AKAIN1: variants seen among roughly 807,000 people sequenced by gnomAD.
The protein encoded by AKAIN1 is A-kinase anchor inhibitor 1, also known as A-kinase anchor protein inhibitor 1.
Under a neutral mutation model 3.7 loss-of-function variants are expected in AKAIN1, and 3 were observed. That is an observed-to-expected ratio of 0.82 (90% CI 0.37 to 2.12). The LOEUF is 2.12. Ranked by LOEUF, AKAIN1 falls within the 30% of genes most tolerant of loss-of-function variation. AKAIN1 has a pLI of 0.06. For synonymous variants in AKAIN1, 31 were observed against 30.8 expected, an observed-to-expected ratio of 1.01 and a Z score of -0.02; for missense variants, 82 against 82.7, an observed-to-expected ratio of 0.99 and a Z score of 0.03.
rs2071030843 is a variant in AKAIN1, at chr18:5,143,224, T to C, written c.*2338A>G. ...AAATCTAGTAACTTTTTCTTCATACTGAAAGATCTGTAAAAGTTTATAGGT... is the reference window on the plus strand; with the variant it reads ...AAATCTAGTAACTTTTTCTTCATACCGAAAGATCTGTAAAAGTTTATAGGT... On this transcript the variant is annotated 3_prime_UTR_variant, in exon 2 of 2. Coordinates refer to ENST00000434239, the MANE Select transcript of AKAIN1 (RefSeq NM_001145194.2). Among the ~76,000 whole-genome samples the C allele has an allele frequency of 6.6e-6, 1 of 152,250 alleles. No individual in the cohort carries two copies. Among genetic ancestry groups the C allele is most frequent in the African/African-American group, 2.4e-5 (1 of 41,464 alleles).
At chr18:5,179,423 G>GTATATATATA (rs148703559) in intron 1 of AKAIN1, among the ~76,000 whole-genome samples, 2 of 149,474 alleles carry the variant, frequency 1.3e-5, no homozygotes, top group South Asian at 4.2e-4. Context: ...ATGTATGTGT[G>GTATATATATA]TATATATATA....
At chr18:5,165,244 G>T (rs1337789174) in intron 1 of AKAIN1, among the ~76,000 whole-genome samples, 2 of 152,076 alleles carry the variant, frequency 1.3e-5, no homozygotes, top group Non-Finnish European at 1.5e-5. Flanking sequence ...TATCACCCAA[G>T]ACTTTAATTA....
chr18:5,178,043 T>C (rs962893284), intron 1 of AKAIN1, among the ~76,000 whole-genome samples: 2 of 152,052 alleles, frequency 1.3e-5, no homozygotes, highest in African/African-American at 2.4e-5. Context: ...CAAGAAAGAC[T>C]GTTCCTAAAG....
At chr18:5,155,247 G>T (rs894028774) in intron 1 of AKAIN1, among the ~76,000 whole-genome samples, 3 of 152,178 alleles carry the variant, frequency 2.0e-5, no homozygotes, top group African/African-American at 7.2e-5. Context: ...TATGCAGGCT[G>T]TGCAGTGAGG....
intron 1 of AKAIN1, among the ~76,000 whole-genome samples, chr18:5,195,288 A>G: frequency 6.6e-6 from 1 of 152,220 alleles, no homozygotes; most frequent in Admixed American, 6.5e-5. Flanking sequence ...TGGAAAAGTA[A>G]AGTCCTGTCC....
chr18:5,178,495 A>C (rs556507907), intron 1 of AKAIN1, among the ~76,000 whole-genome samples: 2 of 152,306 alleles, frequency 1.3e-5, no homozygotes, highest in Admixed American at 1.3e-4. Flanking sequence ...AAAGGCCCCT[A>C]TATGAGCAGC....
chr18:5,173,928 A>G (rs1037230643), intron 1 of AKAIN1, among the ~76,000 whole-genome samples: 2 of 151,976 alleles, frequency 1.3e-5, no homozygotes, highest in African/African-American at 4.8e-5. Context: ...GCAGGCTGGG[A>G]TCTTTGCTCA....
intron 1 of AKAIN1, among the ~76,000 whole-genome samples, chr18:5,191,084 A>T (rs114318089): frequency 0.012 from 1,763 of 152,320 alleles, 27 homozygotes; most frequent in African/African-American, 0.04. Flanking sequence ...TTCATGCTTA[A>T]TGGTAAAAGA....
intron 1 of AKAIN1, among the ~76,000 whole-genome samples, chr18:5,182,720 T>C (rs1181866533): frequency 6.6e-6 from 1 of 152,080 alleles, no homozygotes; most frequent in Non-Finnish European, 1.5e-5. Flanking sequence ...CATAAATGCT[T>C]TCAAAACTAC....
chr18:5,145,361 A>G lies in AKAIN1; in HGVS notation c.*201T>C. 1 of 449,494 alleles carries G rather than the reference A, an allele frequency of 2.2e-6. No homozygotes were observed. Among genetic ancestry groups the G allele is most frequent in the Non-Finnish European group, 4.0e-6 (1 of 252,134 alleles). 27.8% of individuals were successfully genotyped at this position (449,494 alleles called of 1,614,324 possible). ...CATATTTGGCCCCACTATGTCTCAG[A>G]GGCACTGCATAAATATGAACAGAAT... On this transcript the variant is annotated 3_prime_UTR_variant, in exon 2 of 2. Transcript: ENST00000434239.
At chr18:5,149,434 G>C (rs1337260684) in intron 1 of AKAIN1, among the ~76,000 whole-genome samples, 1 of 152,178 alleles carries the variant, frequency 6.6e-6, no homozygotes, top group Non-Finnish European at 1.5e-5. Flanking sequence ...TCGTAGCCAA[G>C]TGTCCAGGAA....
At chr18:5,192,809 C>T (rs1486676154) in intron 1 of AKAIN1, among the ~76,000 whole-genome samples, 3 of 151,542 alleles carry the variant, frequency 2.0e-5, no homozygotes, top group African/African-American at 4.9e-5. Flanking sequence ...GAAGGGGGAA[C>T]GGTTTGACTA....
At chr18:5,182,376 T>A (rs139949251) in intron 1 of AKAIN1, among the ~76,000 whole-genome samples, 17 of 152,218 alleles carry the variant, frequency 1.1e-4, no homozygotes, top group Middle Eastern at 3.4e-3. Flanking sequence ...TAGCTTCCAT[T>A]TAGCCGACCG....
chr18:5,197,422 G>T, upstream of AKAIN1: 1 of 1,258,172 alleles, frequency 7.9e-7, no homozygotes, highest in Non-Finnish European at 9.9e-7. The surrounding 1 kb of genome is among the most constrained non-coding windows in gnomAD (Gnocchi z 6.9). Flanking sequence ...TAAACTTCCC[G>T]GCAGGGGACA....
At chr18:5,194,956 G>GA (rs1316417312) in intron 1 of AKAIN1, among the ~76,000 whole-genome samples, 4 of 152,184 alleles carry the variant, frequency 2.6e-5, no homozygotes, top group Admixed American at 2.6e-4. Context: ...TTGCAGTGCT[G>GA]AAAATCTGGC....
At chr18:5,197,504 CA>C (rs10651301), upstream of AKAIN1, 1,055 of 835,084 alleles carry the variant, frequency 1.3e-3, no homozygotes, top group Non-Finnish European at 1.5e-3. This position sits in a 1 kb window ranked among gnomAD's most constrained non-coding sequence, Gnocchi z 6.9. Context: ...ATAGATTTGT[CA>C]AAAAAAAAAA....
At chr18:5,197,601 TA>T, upstream of AKAIN1, 1 of 610,536 alleles carries the variant, frequency 1.6e-6, no homozygotes, top group Non-Finnish European at 2.4e-6. This position sits in a 1 kb window ranked among gnomAD's most constrained non-coding sequence, Gnocchi z 6.9. Flanking sequence ...TCTGTCAAGT[TA>T]ATAGGTCCTG....
chr18:5,145,822 G>A, intron 1 of AKAIN1, 67 bp from the exon 2 acceptor site: 3 of 1,371,178 alleles, frequency 2.2e-6, no homozygotes, highest in Non-Finnish European at 1.0e-6. Context: ...AGAGGGAAAG[G>A]TAGAGGAGAA....
chr18:5,150,346 T>G (rs559549170), intron 1 of AKAIN1, among the ~76,000 whole-genome samples: 1 of 152,380 alleles, frequency 6.6e-6, no homozygotes, highest in African/African-American at 2.4e-5. Flanking sequence ...TTCTATGCAC[T>G]GAATTCACTT....
Sources: allele counts gnomAD v4.1 joint callset (sites outside exome capture counted in the v4.1 genomes callset), GRCh38; gene constraint gnomAD v4.1.1; non-coding constraint Gnocchi (gnomAD v3.1); transcripts MANE v1.5; gene names NCBI Gene and HGNC (gene_info 2026-07-23, HGNC 2026-07-21).